PCDHAC1: variants seen among roughly 807,000 people sequenced by gnomAD.
PCDHAC1 encodes the protein protocadherin alpha-C1.
In PCDHAC1, 42 loss-of-function variants were observed where a neutral mutation model predicts 60.0. That is an observed-to-expected ratio of 0.70 (90% CI 0.55 to 0.90). The LOEUF (loss-of-function observed/expected upper bound fraction) is 0.90. Ranked by LOEUF, PCDHAC1 falls within the 40% of genes least tolerant of loss-of-function variation. PCDHAC1 has a pLI of 0.00. For synonymous variants in PCDHAC1, 468 were observed against 499.3 expected (o/e 0.94, Z 0.84); for missense variants, 1,160 against 1,222.3 (o/e 0.95, Z 0.76).
intron 2 of PCDHAC1, among the ~76,000 whole-genome samples, chr5:140,981,989 A>G (rs1343187322): frequency 2.0e-5 from 3 of 152,236 alleles, no homozygotes; most frequent in African/African-American, 4.8e-5. Flanking sequence ...AAAATAGAAA[A>G]TAAGGTTAAG....
chr5:140,996,478 A>C (rs1241472780), intron 3 of PCDHAC1, among the ~76,000 whole-genome samples: 1 of 152,214 alleles, frequency 6.6e-6, no homozygotes, highest in East Asian at 1.9e-4. Flanking sequence ...AGTAGTGCTC[A>C]GGCCTGGGCA....
At chr5:140,978,597 A>G (rs897045455) in intron 1 of PCDHAC1, among the ~76,000 whole-genome samples, 1 of 152,234 alleles carries the variant, frequency 6.6e-6, no homozygotes, top group Non-Finnish European at 1.5e-5. Flanking sequence ...TTAATGGGGC[A>G]CTTGAGGGCA....
At chr5:140,933,047 A>G (rs1482395906) in intron 1 of PCDHAC1, among the ~76,000 whole-genome samples, 2 of 152,030 alleles carry the variant, frequency 1.3e-5, no homozygotes, top group Non-Finnish European at 1.5e-5. Flanking sequence ...TATGGATTAC[A>G]GTCCAGGATC....
chr5:140,938,245 C>T (rs1008412260), intron 1 of PCDHAC1, among the ~76,000 whole-genome samples: 1 of 152,168 alleles, frequency 6.6e-6, no homozygotes, highest in South Asian at 2.1e-4. Context: ...CATGCCTGGT[C>T]TTTTAAAAAC....
chr5:140,928,069 A>C lies in PCDHAC1; in HGVS notation c.1177A>C (p.Asn393His), dbSNP rs782427256. The change falls in exon 1 of 4, where the codon AAC (asparagine) becomes CAC (histidine). Residue 393 changes from asparagine to histidine, a missense_variant. Around this residue, in one of 3 missense-constraint regions of PCDHAC1, gnomAD observed 1,113 missense variants for 1,163.7 expected, o/e 0.96. Coordinates refer to ENST00000253807, the MANE Select transcript of PCDHAC1 (RefSeq NM_018898.5). ...GPFQLTASFD[N>H]YYSLLIDGPL... Reference sequence around the variant, plus strand: ...TTTTCAGCTGACGGCTTCCTTTGACAACTACTACAGCCTGCTGATTGATGG... The same window carrying C: ...TTTTCAGCTGACGGCTTCCTTTGACCACTACTACAGCCTGCTGATTGATGG... 6.2e-7 allele frequency: 1 copy of C among 1,614,180 alleles called. No individual in the cohort carries two copies. Among genetic ancestry groups the C allele is most frequent in the Non-Finnish European group, 8.5e-7 (1 of 1,180,036 alleles).
intron 1 of PCDHAC1, among the ~76,000 whole-genome samples, chr5:140,956,457 G>T (rs1197742299): frequency 2.0e-5 from 3 of 152,184 alleles, no homozygotes; most frequent in African/African-American, 7.2e-5. Flanking sequence ...TACATTTATT[G>T]ATTTGCATAT....
At chr5:141,005,288 T>A (rs908780920) in intron 3 of PCDHAC1, among the ~76,000 whole-genome samples, 1 of 152,176 alleles carries the variant, frequency 6.6e-6, no homozygotes. Flanking sequence ...AACAGATACA[T>A]TTTTTGCCTT....
chr5:140,954,737 T>C (rs1208625491), intron 1 of PCDHAC1, among the ~76,000 whole-genome samples: 38 of 152,210 alleles, frequency 2.5e-4, no homozygotes, highest in Non-Finnish European at 1.5e-5. Flanking sequence ...TTCACTCTGA[T>C]GATAGTTTCT....
intron 1 of PCDHAC1, among the ~76,000 whole-genome samples, chr5:140,931,665 T>C (rs2087667345): frequency 6.6e-6 from 1 of 151,998 alleles, no homozygotes. Flanking sequence ...GGCTGGATAT[T>C]TCCTTATAAA....
rs529433053 is a variant in PCDHAC1 at position 140,985,961 on chromosome 5, A to C, written c.2581+3398A>C. Among the ~76,000 whole-genome samples, 18 of 151,982 alleles carry C rather than the reference A, an allele frequency of 1.2e-4. 1 individual carries two copies. In the South Asian group the frequency reaches 3.3e-3, roughly 28 times the overall value. On this transcript the variant is annotated intron_variant, in intron 3 of 3. Transcript: ENST00000253807. Reference sequence around the variant, plus strand: ...TCACTGTGTTAGCCAGGATGGTCTCAATCTCCTGACCTCGTGATCCGCCCA... The same window carrying C: ...TCACTGTGTTAGCCAGGATGGTCTCCATCTCCTGACCTCGTGATCCGCCCA...
At chr5:140,966,489 C>T in intron 1 of PCDHAC1, 1 of 440,146 alleles carries the variant, frequency 2.3e-6, no homozygotes, top group Non-Finnish European at 3.9e-6. Flanking sequence ...TTCCCTCCCC[C>T]TGGAGCTGTA....
At chr5:140,965,196 AG>A (rs2095879471) in intron 1 of PCDHAC1, among the ~76,000 whole-genome samples, 3 of 152,254 alleles carry the variant, frequency 2.0e-5, no homozygotes, top group Non-Finnish European at 4.4e-5. Flanking sequence ...ATGAGGCAAT[AG>A]ATTTCAAATT....
intron 1 of PCDHAC1, among the ~76,000 whole-genome samples, chr5:140,941,259 T>TTCTTTC (rs1554214225): frequency 1.2e-3 from 146 of 121,812 alleles, no homozygotes; most frequent in African/African-American, 3.7e-3. Flanking sequence ...TTCTTTCTCT[T>TTCTTTC]TCTTTCTTTC....
intron 3 of PCDHAC1, among the ~76,000 whole-genome samples, chr5:140,992,118 G>C (rs1554252679): frequency 1.3e-5 from 2 of 151,650 alleles, no homozygotes; most frequent in Non-Finnish European, 2.9e-5. Flanking sequence ...ATGTGTCATG[G>C]AAGAACAGTG....
intron 3 of PCDHAC1, among the ~76,000 whole-genome samples, chr5:140,991,573 G>C (rs1406319253): frequency 2.0e-5 from 3 of 152,036 alleles, no homozygotes; most frequent in Non-Finnish European, 4.4e-5. Context: ...CCAATAACAG[G>C]CTCCTTATTT....
intron 1 of PCDHAC1, among the ~76,000 whole-genome samples, chr5:140,946,468 C>T (rs1249840749): frequency 1.3e-5 from 2 of 151,720 alleles, no homozygotes; most frequent in Non-Finnish European, 2.9e-5. Flanking sequence ...AATCCCACTA[C>T]TGGGTATATA....
intron 1 of PCDHAC1, among the ~76,000 whole-genome samples, chr5:140,956,442 T>A (rs557521776): frequency 2.6e-5 from 4 of 152,362 alleles, no homozygotes; most frequent in African/African-American, 9.6e-5. Flanking sequence ...GCTTATGTGA[T>A]GAATTACATT....
intron 3 of PCDHAC1, among the ~76,000 whole-genome samples, chr5:140,998,010 C>A (rs2097793505): frequency 6.6e-6 from 1 of 152,096 alleles, no homozygotes; most frequent in Admixed American, 6.6e-5. Flanking sequence ...GCCTTCCATC[C>A]CCACCTCGAG....
chr5:140,974,116 G>T (rs2096616118), intron 1 of PCDHAC1, among the ~76,000 whole-genome samples: 1 of 152,192 alleles, frequency 6.6e-6, no homozygotes. Context: ...TTCTTTTGCA[G>T]TGTTTTAAAT....
Sources: allele counts gnomAD v4.1 joint callset (sites outside exome capture counted in the v4.1 genomes callset), GRCh38; gene constraint gnomAD v4.1.1; regional missense constraint gnomAD v4.1.1; transcripts MANE v1.5; gene names NCBI Gene and HGNC (gene_info 2026-07-23, HGNC 2026-07-21).